DHX29: variants seen among roughly 807,000 people sequenced by gnomAD.
DHX29 encodes the protein ATP-dependent RNA helicase DHX29.
DHX29 carries 79 observed loss-of-function variants against 167.9 expected under a neutral mutation model. The ratio of observed to expected loss-of-function variants is 0.47; its 90% CI spans 0.39 to 0.57. DHX29 has a LOEUF of 0.57. Among genes scored for constraint, DHX29 ranks in the 20% least tolerant of loss-of-function variants. DHX29 has a pLI of 0.00. For missense variants in DHX29, 1,347 were observed against 1,593.4 expected, an observed-to-expected ratio of 0.85 and a Z score of 2.63; for synonymous variants, 530 against 546.0, an observed-to-expected ratio of 0.97 and a Z score of 0.41.
At chr5:55,262,580 A>C in intron 24 of DHX29, 50 bp downstream of exon 24, 2 of 1,578,292 alleles carry the variant, frequency 1.3e-6, no homozygotes, top group Non-Finnish European at 1.7e-6. Context: ...GTTATGAATG[A>C]CTTGCAGAAT....
chr5:55,285,541 TTAGA>T, intron 9 of DHX29, 125 bp from the exon 10 acceptor site: 1 of 1,238,206 alleles, frequency 8.1e-7, no homozygotes, highest in Admixed American at 2.7e-5. Flanking sequence ...GAAGGCATTA[TTAGA>T]TAATGATAAT....
intron 22 of DHX29, 31 bp from the exon 23 acceptor site, chr5:55,267,262 A>C (rs771444010): frequency 4.0e-6 from 6 of 1,513,648 alleles, no homozygotes; most frequent in Middle Eastern, 1.7e-4. Flanking sequence ...TTAATGAATA[A>C]AGTTCACCAT....
intron 6 of DHX29, among the ~76,000 whole-genome samples, chr5:55,291,539 C>T (rs960785885): frequency 2.0e-5 from 3 of 152,174 alleles, no homozygotes; most frequent in Admixed American, 2.0e-4. Context: ...TAAAATTTGT[C>T]ATCTTAACCA....
intron 12 of DHX29, among the ~76,000 whole-genome samples, chr5:55,277,781 C>A (rs548439685): frequency 1.1e-3 from 173 of 151,888 alleles, no homozygotes; most frequent in Non-Finnish European, 1.6e-3. Context: ...TGGTGTGCAC[C>A]TGTAATCCCA....
chr5:55,281,333 T>G, intron 12 of DHX29, 39 bp downstream of exon 12: 1 of 1,455,738 alleles, frequency 6.9e-7, no homozygotes, highest in Non-Finnish European at 9.1e-7. Context: ...AATACAAAAA[T>G]ATTTCAAATT....
At chr5:55,279,150 C>A (rs375941153) in intron 12 of DHX29, among the ~76,000 whole-genome samples, 1 of 152,084 alleles carries the variant, frequency 6.6e-6, no homozygotes, top group Non-Finnish European at 1.5e-5. Flanking sequence ...CCAAGGGTAA[C>A]GCCAGTGAAT....
intron 16 of DHX29, among the ~76,000 whole-genome samples, chr5:55,273,690 G>C (rs1225588281): frequency 6.6e-6 from 1 of 152,100 alleles, no homozygotes; most frequent in Non-Finnish European, 1.5e-5. Flanking sequence ...AATATATATG[G>C]ATGATAAACT....
At chr5:55,270,908 C>T (rs1746823419) in intron 18 of DHX29, among the ~76,000 whole-genome samples, 1 of 151,972 alleles carries the variant, frequency 6.6e-6, no homozygotes, top group Admixed American at 6.6e-5. Flanking sequence ...AAAAGTCTGG[C>T]AAAAGAAAAA....
intron 26 of DHX29, among the ~76,000 whole-genome samples, chr5:55,257,225 C>A (rs970797512): frequency 1.3e-5 from 2 of 152,162 alleles, no homozygotes; most frequent in Non-Finnish European, 2.9e-5. Context: ...AACCTCACAA[C>A]CACTCTTTAG....
Position 55,274,527 on chromosome 5 carries a change from C to G in DHX29, c.2690+87G>C, listed in dbSNP as rs1747009750. ...GTAATTTTAACCCATGGTGAAAAGA[C>G]TTTGAAAACTCTGATCAAGGGTTTT... On this transcript the variant is annotated intron_variant, in intron 16 of 26. Transcript: ENST00000251636. The G allele has an allele frequency of 4.0e-6, 4 of 992,490 alleles. No individual in the cohort carries two copies. The South Asian group carries it at 7.0e-5, about 17-fold the overall frequency. 61.5% of individuals were successfully genotyped at this position (992,490 alleles called of 1,614,324 possible). A position where few individuals can be genotyped will look rare whatever the true frequency, so the allele number is the denominator to read the frequency against.
intron 21 of DHX29, among the ~76,000 whole-genome samples, chr5:55,268,101 G>A (rs577523843): frequency 2.6e-5 from 4 of 152,000 alleles, no homozygotes; most frequent in Admixed American, 6.6e-5. Flanking sequence ...AGGTAAGGAG[G>A]CAATTATCAC....
At chr5:55,270,742 T>C (rs1385779810) in intron 18 of DHX29, 36 bp from the exon 19 acceptor site, 12 of 1,564,026 alleles carry the variant, frequency 7.7e-6, no homozygotes, top group East Asian at 2.2e-5. Flanking sequence ...ATGTAGATAA[T>C]TGACTTAAGT....
At chr5:55,299,969 C>T (rs992787419) in intron 1 of DHX29, among the ~76,000 whole-genome samples, 1 of 152,152 alleles carries the variant, frequency 6.6e-6, no homozygotes, top group African/African-American at 2.4e-5. Context: ...CCCTTACTCT[C>T]TTAAAAATTA....
Position 55,281,461 on chromosome 5 carries a change from T to C in DHX29, c.2020A>G (p.Arg674Gly), listed in dbSNP as rs1056529822. ...ACCCCTGTTGTACAATAGAGTAACC[T>C]GGTAGATTCACAAGCTCGAGATTCC... ...RMESRACEST[R>G]LLYCTTGVLL... is the part of the protein sequence containing the mutation. Residue 674 changes from arginine (R) to glycine (G), a missense_variant, in exon 12 of 27, where the codon AGG (arginine) becomes GGG (glycine). Coordinates refer to ENST00000251636, the MANE Select transcript of DHX29 (RefSeq NM_019030.4). The C allele has an allele frequency of 6.3e-7, 1 of 1,597,152 alleles. No individual in the cohort carries two copies. The highest frequency in any genetic ancestry group is 8.5e-7 in the Non-Finnish European group (1 of 1,171,838).
chr5:55,282,610 T>C (rs572440402), intron 11 of DHX29, among the ~76,000 whole-genome samples: 1 of 152,294 alleles, frequency 6.6e-6, no homozygotes, highest in East Asian at 1.9e-4. Context: ...CAATTTGTCA[T>C]ATTTGGTTCT....
intron 23 of DHX29, among the ~76,000 whole-genome samples, chr5:55,264,270 TA>T (rs1746448180): frequency 6.6e-6 from 1 of 152,194 alleles, no homozygotes; most frequent in Non-Finnish European, 1.5e-5. Flanking sequence ...ACTACACTTC[TA>T]CTCTCTCTCT....
intron 1 of DHX29, among the ~76,000 whole-genome samples, chr5:55,301,713 C>CAAAAAAAA (rs70992777): frequency 4.2e-4 from 27 of 64,720 alleles, no homozygotes; most frequent in African/African-American, 1.0e-3. Flanking sequence ...AACTCCATCT[C>CAAAAAAAA]AAAAAAAAAA....
chr5:55,282,714 T>C (rs534151979), intron 11 of DHX29, among the ~76,000 whole-genome samples: 43 of 152,288 alleles, frequency 2.8e-4, no homozygotes, highest in African/African-American at 9.9e-4. Context: ...GCAAAATGCA[T>C]GACAATAGAT....
chr5:55,269,628 G>A lies in DHX29; in HGVS notation c.3079C>T (p.Leu1027Phe). 6.2e-7 allele frequency: 1 copy of A among 1,612,928 alleles called. No homozygotes were observed. The highest frequency in any genetic ancestry group is 1.3e-5 in the African/African-American group (1 of 74,978). ...ELCLHIMKCN[L>F]GSPEDFLSKA... ...GAGAGGAAATCTTCAGGAGAACCAA[G>A]ATTACATTTCTGCAGATTAAAAAAG... is the stretch of plus-strand genomic sequence containing the variant. Residue 1027 changes from leucine to phenylalanine, a missense_variant, in exon 21 of 27, where the codon CTT (leucine) becomes TTT (phenylalanine). Coordinates refer to ENST00000251636, the MANE Select transcript of DHX29 (RefSeq NM_019030.4).
Sources: gnomAD v4.1 joint callset for allele counts (sites outside exome capture counted in the v4.1 genomes callset) on GRCh38, gnomAD v4.1.1 for gene constraint, MANE v1.5 for transcripts, NCBI Gene and HGNC (gene_info 2026-07-23, HGNC 2026-07-21) for gene names.